The following RASAL2 variants were observed in gnomAD, a reference collection of about 807,000 sequenced individuals.
RASAL2 encodes ras GTPase-activating protein nGAP.
In RASAL2, 58 loss-of-function variants were observed where a neutral mutation model predicts 128.9. That is an observed-to-expected ratio of 0.45 (90% CI 0.36 to 0.56). RASAL2 has a LOEUF of 0.56. RASAL2 is among the 20% of genes least tolerant of loss of function. The pLI is 0.00. For missense variants in RASAL2, 1,360 were observed against 1,601.6 expected (o/e 0.85, Z 2.57); for synonymous variants, 561 against 580.8 (o/e 0.97, Z 0.49).
At chr1:178,450,157 T>C (rs1448272575) in intron 9 of RASAL2, among the ~76,000 whole-genome samples, 1 of 152,168 alleles carries the variant, frequency 6.6e-6, no homozygotes, top group Non-Finnish European at 1.5e-5. Context: ...GACAAAAAAT[T>C]ATTCAAAAGT....
At chr1:178,391,811 T>A (rs893822222) in intron 4 of RASAL2, among the ~76,000 whole-genome samples, 1 of 152,236 alleles carries the variant, frequency 6.6e-6, no homozygotes, top group Non-Finnish European at 1.5e-5. Flanking sequence ...CGTTTCTATG[T>A]TAACTTTGTG....
intron 4 of RASAL2, among the ~76,000 whole-genome samples, chr1:178,395,857 T>C (rs753601769): frequency 1.0e-4 from 15 of 150,544 alleles, no homozygotes; most frequent in Non-Finnish European, 1.9e-4. Flanking sequence ...GAAAATGTTA[T>C]TACCAAAGGT....
At chr1:178,175,668 G>GTT (rs71567182) in intron 1 of RASAL2, among the ~76,000 whole-genome samples, 11,812 of 145,846 alleles carry the variant, frequency 0.081, 524 homozygotes, top group Middle Eastern at 0.13. Flanking sequence ...CTATATGTAG[G>GTT]TTTTTTTTTT....
rs868326117 is a variant in RASAL2, at chr1:178,114,251, A to G, written c.202+19557A>G. On this transcript the variant is annotated intron_variant, in intron 1 of 17. Coordinates refer to ENST00000367649, the MANE Select transcript of RASAL2 (RefSeq NM_170692.4). ...AGTGGTGAGAGTAGACATCCTTGCC[A>G]TCAACCTGATCGTAGGTAAAAAGCA... Among the ~76,000 whole-genome samples, 35 of 152,302 alleles carry G rather than the reference A, an allele frequency of 2.3e-4. No individual in the cohort carries two copies. The Middle Eastern group carries it at 0.014, about 59-fold the overall frequency.
At chr1:178,172,528 AT>A (rs1249357331) in intron 1 of RASAL2, among the ~76,000 whole-genome samples, 1 of 152,062 alleles carries the variant, frequency 6.6e-6, no homozygotes, top group Non-Finnish European at 1.5e-5. Flanking sequence ...TGTAGCAAAT[AT>A]TTTGTGATGC....
At chr1:178,205,483 G>A (rs769302741) in intron 1 of RASAL2, among the ~76,000 whole-genome samples, 36 of 152,126 alleles carry the variant, frequency 2.4e-4, no homozygotes, top group Non-Finnish European at 3.4e-4. Flanking sequence ...TGGGCCGGGC[G>A]CAGTGGATCA....
At position 178,395,007 on chromosome 1, in the gene RASAL2, T is replaced by A. The variant is rs1465710705; in HGVS notation, c.564+4801T>A. Among the ~76,000 whole-genome samples, 4 of 152,210 alleles carry A rather than the reference T, an allele frequency of 2.6e-5. No individual in the cohort carries two copies. The East Asian group carries it at 7.7e-4, about 29-fold the overall frequency. On this transcript the variant is annotated intron_variant, in intron 4 of 17. Coordinates refer to ENST00000367649, the MANE Select transcript of RASAL2 (RefSeq NM_170692.4). ...AGTTGCTATTGGTTTCTGTTTTGAATCCTCTATAAGATCCTATGTAAGTGT... is the reference window on the plus strand; with the variant it reads ...AGTTGCTATTGGTTTCTGTTTTGAAACCTCTATAAGATCCTATGTAAGTGT...
rs1019350104 is a variant in RASAL2 at position 178,407,528 on chromosome 1, A to C, written c.565-12983A>C. Among the ~76,000 whole-genome samples the C allele has an allele frequency of 2.0e-5, 3 of 152,318 alleles. No homozygotes were observed. The South Asian group carries it at 6.2e-4, about 32-fold the overall frequency. ...AATAAACTAAAACTTGAAAAGCAAG[A>C]ATGAAAACAATTCTCACCTGGGTCC... On this transcript the variant is annotated intron_variant, in intron 4 of 17. Coordinates refer to ENST00000367649, the MANE Select transcript of RASAL2 (RefSeq NM_170692.4).
At chr1:178,352,128 A>G (rs998557245) in intron 3 of RASAL2, among the ~76,000 whole-genome samples, 6 of 152,210 alleles carry the variant, frequency 3.9e-5, no homozygotes, top group Non-Finnish European at 7.3e-5. Context: ...TAGGAATGCT[A>G]TGTTTTCTAG....
chr1:178,134,429 G>A (rs1234220006), intron 1 of RASAL2, among the ~76,000 whole-genome samples: 2 of 137,632 alleles, frequency 1.5e-5, no homozygotes, highest in African/African-American at 2.7e-5. Flanking sequence ...TGGCACCCCA[G>A]CCTAGGTGGC....
At chr1:178,424,502 C>T (rs1292426853) in intron 5 of RASAL2, among the ~76,000 whole-genome samples, 2 of 152,160 alleles carry the variant, frequency 1.3e-5, no homozygotes, top group African/African-American at 4.8e-5. Flanking sequence ...TGTTCTGTCA[C>T]CCAGGCTGGA....
intron 3 of RASAL2, among the ~76,000 whole-genome samples, chr1:178,376,947 T>C (rs187863010): frequency 6.6e-6 from 1 of 152,280 alleles, no homozygotes; most frequent in Non-Finnish European, 1.5e-5. Context: ...TTTCAGGTAC[T>C]TTGATAGCAT....
chr1:178,144,711 T>G (rs1458380474), intron 1 of RASAL2, among the ~76,000 whole-genome samples: 1 of 152,202 alleles, frequency 6.6e-6, no homozygotes, highest in Non-Finnish European at 1.5e-5. Context: ...GTAATATGAC[T>G]TTGGAATAAT....
chr1:178,162,552 A>G (rs1661363175), intron 1 of RASAL2, among the ~76,000 whole-genome samples: 2 of 135,032 alleles, frequency 1.5e-5, no homozygotes, highest in South Asian at 4.3e-4. Context: ...TAAAATATAT[A>G]TAATATATCT....
intron 3 of RASAL2, among the ~76,000 whole-genome samples, chr1:178,339,862 G>C (rs1193374578): frequency 1.3e-5 from 2 of 152,108 alleles, no homozygotes; most frequent in East Asian, 3.9e-4. Flanking sequence ...ATCAGCAATG[G>C]TCAAGTGAAT....
chr1:178,280,307 G>T (rs921703651), intron 1 of RASAL2, among the ~76,000 whole-genome samples: 1 of 152,000 alleles, frequency 6.6e-6, no homozygotes, highest in African/African-American at 2.4e-5. Context: ...CTTCTATTCA[G>T]CCAGACTTTA....
At chr1:178,347,151 A>G (rs569467495) in intron 3 of RASAL2, among the ~76,000 whole-genome samples, 2 of 152,322 alleles carry the variant, frequency 1.3e-5, no homozygotes, top group East Asian at 1.9e-4. Context: ...TTTGACGGTG[A>G]AATTTTAATT....
At chr1:178,465,852 A>G in intron 15 of RASAL2, 68 bp from the exon 16 acceptor site, 2 of 1,270,706 alleles carry the variant, frequency 1.6e-6, no homozygotes, top group East Asian at 5.2e-5. Context: ...GAAAGAAAGA[A>G]AAGTAAATCA....
At chr1:178,118,143 G>A (rs1659580133) in intron 1 of RASAL2, among the ~76,000 whole-genome samples, 2 of 150,432 alleles carry the variant, frequency 1.3e-5, no homozygotes, top group African/African-American at 2.4e-5. Context: ...AGCCTGAGCA[G>A]TAAGAACGAG....
Sources: allele counts gnomAD v4.1 joint callset (sites outside exome capture counted in the v4.1 genomes callset), GRCh38; gene constraint gnomAD v4.1.1; transcripts MANE v1.5; gene names NCBI Gene and HGNC (gene_info 2026-07-23, HGNC 2026-07-21).